Variants in MASTL observed in about 807,000 individuals in gnomAD.
The protein encoded by MASTL is serine/threonine-protein kinase greatwall.
In MASTL, 54 loss-of-function variants were observed where a neutral mutation model predicts 82.5. The ratio of observed to expected loss-of-function variants is 0.65; its 90% confidence interval spans 0.53 to 0.82. The LOEUF (loss-of-function observed/expected upper bound fraction) is 0.82, where lower values mean the gene tolerates loss of function less well. Among genes scored for constraint, MASTL ranks in the 40% least tolerant of loss-of-function variants. MASTL has a pLI of 0.00. For missense variants in MASTL, 950 were observed against 1,047.8 expected (o/e 0.91, Z 1.29); for synonymous variants, 323 against 368.9 (o/e 0.88, Z 1.43).
In MASTL at chr10:27,181,559, T is replaced by C. The variant is rs780259000; in HGVS notation, c.2460T>C (p.Asp820=). 4 of 1,610,606 alleles carry C rather than the reference T, an allele frequency of 2.5e-6. No homozygotes were observed. The highest frequency in any genetic ancestry group is 3.4e-6 in the Non-Finnish European group (4 of 1,177,088). Residue 820 remains aspartate (D), a synonymous_variant, in exon 11 of 12, where the codon GAT becomes GAC. Transcript: ENST00000375940. ...SAVEILLTID[D]TKRAGMKELK... is the part of the protein sequence containing the mutation. The stretch of plus-strand genomic sequence containing the variant: ...TAGAAATACTTTTAACCATTGATGA[T>C]ACAAAGAGAGCTGGAATGAAAGGTA...
At chr10:27,169,620 C>T (rs748739425) in intron 7 of MASTL, among the ~76,000 whole-genome samples, 21 of 151,220 alleles carry the variant, frequency 1.4e-4, no homozygotes, top group Non-Finnish European at 2.4e-4. Flanking sequence ...TAGATATGTA[C>T]GTAATGCAGC....
At chr10:27,175,970 A>G (rs568696426) in intron 9 of MASTL, among the ~76,000 whole-genome samples, 80 of 152,014 alleles carry the variant, frequency 5.3e-4, no homozygotes, top group African/African-American at 1.9e-3. Context: ...GGTGGTGTGC[A>G]TCTGTAATCC....
In MASTL at chr10:27,181,589, T is replaced by G. The variant is rs770294878; in HGVS notation, c.2482+8T>G. ...AGAGAGCTGGAATGAAAGGTATGGT[T>G]TTGTGTTAATACATTGTTTTACCAT... On this transcript the variant is annotated splice_region_variant and intron_variant, in intron 11 of 11. Coordinates refer to ENST00000375940, the MANE Select transcript of MASTL (RefSeq NM_001172303.3). 2.2e-5 allele frequency: 34 copies of G among 1,562,444 alleles called. 1 individual carries two copies. In the Admixed American group the frequency reaches 5.2e-4, roughly 24 times the overall value.
intron 2 of MASTL, 50 bp downstream of exon 2, chr10:27,158,736 A>G: frequency 6.3e-7 from 1 of 1,593,162 alleles, no homozygotes; most frequent in Non-Finnish European, 8.6e-7. Context: ...GCAGTCATTG[A>G]ACCTAGTGAT....
At chr10:27,165,809 G>A (rs1486491845) in intron 6 of MASTL, among the ~76,000 whole-genome samples, 2 of 152,008 alleles carry the variant, frequency 1.3e-5, no homozygotes, top group Admixed American at 6.6e-5. Context: ...GCTGAGGCAG[G>A]AGGATCGCTT....
At chr10:27,165,585 G>T (rs750329834) in intron 6 of MASTL, 46 bp downstream of exon 6, 1 of 1,579,426 alleles carries the variant, frequency 6.3e-7, no homozygotes, top group African/African-American at 1.3e-5. Context: ...GCTTACACCT[G>T]TAATACTACC....
At chr10:27,184,369 G>A (rs2058511421) in intron 11 of MASTL, among the ~76,000 whole-genome samples, 1 of 152,018 alleles carries the variant, frequency 6.6e-6, no homozygotes, top group South Asian at 2.1e-4. Context: ...CTTTTTCAAG[G>A]CACTTCAGAC....
intron 11 of MASTL, among the ~76,000 whole-genome samples, chr10:27,183,013 CTTTT>C (rs957017072): frequency 1.3e-5 from 2 of 151,920 alleles, no homozygotes; most frequent in Admixed American, 6.6e-5. Flanking sequence ...TACAGGAAAT[CTTTT>C]TTTATGAAAC....
chr10:27,167,098 A>G lies in MASTL; in HGVS notation c.812-4A>G, dbSNP rs372388303. On this transcript the variant is annotated splice_polypyrimidine_tract_variant and splice_region_variant and intron_variant, in intron 6 of 11. Coordinates refer to ENST00000375940, the MANE Select transcript of MASTL (RefSeq NM_001172303.3). ...TGGAATTCAATATTGTCTCTTCTCT[A>G]TAGGTCTTGAAACAGTTGCCTCCAA... 16 of 1,610,972 alleles carry G rather than the reference A, an allele frequency of 9.9e-6. No individual in the cohort carries two copies. The highest frequency in any genetic ancestry group is 8.0e-5 in the African/African-American group (6 of 74,980).
At position 27,170,476 on chromosome 10, in the gene MASTL, A is replaced by G. The variant is rs777053957; in HGVS notation, c.1517A>G (p.Lys506Arg). Residue 506 changes from lysine (K) to arginine (R), a missense_variant, in exon 8 of 12, where the codon AAG becomes AGG. Lys to Arg is a conservative substitution (Grantham distance 26). Transcript: ENST00000375940. ...AGTCAACAAAATGACTGTGCTAATA[A>G]GGAGAACATTGTCAATTCTTTTACT... ...HKSQQNDCANKENIVNSFTDK... is the reference protein window; with the variant it reads ...HKSQQNDCANRENIVNSFTDK... 2.0e-5 allele frequency: 32 copies of G among 1,614,022 alleles called. No homozygotes were observed. The South Asian group carries it at 3.0e-4, about 15-fold the overall frequency.
chr10:27,158,570 A>T lies in MASTL; in HGVS notation c.208A>T (p.Ile70Phe). The T allele has an allele frequency of 1.2e-6, 2 of 1,607,518 alleles. No homozygotes were observed. Among genetic ancestry groups the T allele is most frequent in the Admixed American group, 1.7e-5 (1 of 60,022 alleles). ...ACAGGTTGTTAAAAAAGCAGACATG[A>T]TCAACAAAAATATGACTCATCAGGT... ...AVKVVKKADMINKNMTHQVQA... is the reference protein window; with the variant it reads ...AVKVVKKADMFNKNMTHQVQA... Residue 70 changes from isoleucine (I) to phenylalanine (F), a missense_variant, in exon 2 of 12, where the codon ATC becomes TTC. Transcript: ENST00000375940.
chr10:27,160,029 TG>T (rs1343804227), intron 3 of MASTL, among the ~76,000 whole-genome samples: 3 of 152,028 alleles, frequency 2.0e-5, no homozygotes, highest in African/African-American at 7.2e-5. Context: ...GGTCTCACTT[TG>T]TCATCCAGGT....
chr10:27,173,268 T>A lies in MASTL; in HGVS notation c.2266+9T>A, dbSNP rs886046959. 6.2e-7 allele frequency: 1 copy of A among 1,614,078 alleles called. No individual in the cohort carries two copies. The highest frequency in any genetic ancestry group is 1.7e-5 in the Admixed American group (1 of 60,024). ...ACTAGGCAGGGCCCATGGTAAGGCA[T>A]GCATGTCTTGAGTTTTTGAAGTGTT... On this transcript the variant is annotated intron_variant, in intron 9 of 11. Transcript: ENST00000375940.
Position 27,170,350 on chromosome 10 carries a change from C to CT in MASTL, c.1393dup (p.Cys465LeufsTer5). 6.2e-7 allele frequency: 1 copy of CT among 1,613,532 alleles called. No individual in the cohort carries two copies. Among genetic ancestry groups the CT allele is most frequent in the Non-Finnish European group, 8.5e-7 (1 of 1,179,676 alleles). On this transcript the variant is annotated frameshift_variant, in exon 8 of 12. Transcript: ENST00000375940. LOFTEE classifies it high-confidence loss of function. ...AAAAAAATTATACAGAATAAAAAAA[C>CT]TTGTGTAGAGTATAAGCATAACGAA...
At chr10:27,165,626 T>G (rs1373222002) in intron 6 of MASTL, 87 bp downstream of exon 6, 1 of 1,441,384 alleles carries the variant, frequency 6.9e-7, no homozygotes, top group African/African-American at 1.4e-5. Flanking sequence ...GATTTCTTTC[T>G]TTTTGAGACG....
At chr10:27,183,142 G>A (rs2058423327) in intron 11 of MASTL, among the ~76,000 whole-genome samples, 1 of 152,076 alleles carries the variant, frequency 6.6e-6, no homozygotes, top group Non-Finnish European at 1.5e-5. Flanking sequence ...TAAATGTACT[G>A]GATCCCAGGT....
intron 11 of MASTL, among the ~76,000 whole-genome samples, chr10:27,186,071 G>A (rs557850018): frequency 1.6e-4 from 24 of 150,828 alleles, no homozygotes; most frequent in Admixed American, 1.3e-4. Flanking sequence ...CCTGGGCAAC[G>A]GAGCGAGACC....
In MASTL at chr10:27,159,540, TAACTGTAATGCCCAAATACTAGATTTTTA is replaced by T; in HGVS notation, c.325-76_325-48del. 9.8e-7 allele frequency: 1 copy of T among 1,020,528 alleles called. No homozygotes were observed. Among genetic ancestry groups the T allele is most frequent in the Non-Finnish European group, 1.5e-6 (1 of 664,988 alleles). 63.2% of individuals were successfully genotyped at this position (1,020,528 alleles called of 1,614,324 possible). On this transcript the variant is annotated intron_variant, in intron 2 of 11. Transcript: ENST00000375940. The surrounding 1 kb of genome is among the most constrained non-coding windows in gnomAD (Gnocchi z 4.0). ...CATTACAGAGCCATGCCAAATATTG[TAACTGTAATGCCCAAATACTAGATTTTTA>T]AAGTAATCATATTGTTTTTATTTCA...
At position 27,187,508 on chromosome 10, in the gene MASTL, T is replaced by C. The variant is rs143253099; in HGVS notation, c.*972T>C. Reference sequence around the variant, plus strand: ...GGCTCATGCCTGTAATCCCGGCACTTTGGGAGGCTGAGGCAGGCAAGTCGC... The same window carrying C: ...GGCTCATGCCTGTAATCCCGGCACTCTGGGAGGCTGAGGCAGGCAAGTCGC... On this transcript the variant is annotated 3_prime_UTR_variant, in exon 12 of 12. Coordinates refer to ENST00000375940, the MANE Select transcript of MASTL (RefSeq NM_001172303.3). 4.2e-4 allele frequency among the ~76,000 whole-genome samples: 64 copies of C among 152,038 alleles called. No individual in the cohort carries two copies. Among genetic ancestry groups the C allele is most frequent in the African/African-American group, 1.5e-3 (62 of 41,482 alleles).
Sources: allele counts gnomAD v4.1 joint callset (sites outside exome capture counted in the v4.1 genomes callset), GRCh38; gene constraint gnomAD v4.1.1; non-coding constraint Gnocchi (gnomAD v3.1); transcripts MANE v1.5; gene names NCBI Gene and HGNC (gene_info 2026-07-23, HGNC 2026-07-21).